The following CAPRIN2 variants were observed in gnomAD, a reference collection of about 807,000 sequenced individuals.
The protein encoded by CAPRIN2 is caprin family member 2, also known as caprin-2.
A neutral mutation model predicts 130.4 loss-of-function variants in CAPRIN2; 66 were observed. The observed-to-expected ratio is 0.51, with a 90% CI of 0.42 to 0.62. CAPRIN2 has a LOEUF of 0.62. CAPRIN2 is among the 20% of genes least tolerant of loss of function. CAPRIN2 has a pLI of 0.00. For synonymous variants in CAPRIN2, 471 were observed against 444.1 expected (o/e 1.06, Z -0.76); for missense variants, 1,185 against 1,246.6 (o/e 0.95, Z 0.74).
chr12:30,734,223 T>C (rs2063688794), intron 4 of CAPRIN2, among the ~76,000 whole-genome samples: 1 of 152,192 alleles, frequency 6.6e-6, no homozygotes, highest in Non-Finnish European at 1.5e-5. Flanking sequence ...TACATGGCTA[T>C]ATATAGGCAA....
intron 2 of CAPRIN2, among the ~76,000 whole-genome samples, chr12:30,747,452 CAG>C (rs2071179270): frequency 6.6e-6 from 1 of 151,284 alleles, no homozygotes; most frequent in African/African-American, 2.4e-5. Flanking sequence ...CCGAGGCGGG[CAG>C]ATCACCTGTG....
At chr12:30,728,696 T>C (rs2061672301) in exon 8 of CAPRIN2, 4 of 1,613,758 alleles carry the variant, frequency 2.5e-6, no homozygotes, top group East Asian at 4.5e-5. Context: ...GGTCATTTGG[T>C]ATGAGGCTTG....
chr12:30,747,747 A>T (rs1400634486), intron 2 of CAPRIN2, among the ~76,000 whole-genome samples: 1 of 152,218 alleles, frequency 6.6e-6, no homozygotes, highest in Non-Finnish European at 1.5e-5. Flanking sequence ...TTTGTCTAAT[A>T]GATCCGGGCA....
At chr12:30,721,742 T>C (rs2059462952) in intron 11 of CAPRIN2, among the ~76,000 whole-genome samples, 1 of 152,168 alleles carries the variant, frequency 6.6e-6, no homozygotes, top group South Asian at 2.1e-4. Context: ...TAATGAAGGG[T>C]TACAAAACAG....
rs2053920871 is a variant in CAPRIN2, at chr12:30,710,438, G to C, written c.2698C>G (p.Pro900Ala). The stretch of plus-strand genomic sequence containing the variant: ...TTAAAGGTTTCGTTGTCTCTTTCTG[G>C]GCTGCTCACCTGAGAAGAATCACTC... Residue 900 changes from proline to alanine, a missense_variant, in exon 17 of 17, where the codon CCA becomes GCA. By Grantham distance (27) the Pro-to-Ala change is conservative (BLOSUM62 -1). This residue lies in a region of CAPRIN2 where 1,104 missense variants were observed against 1,104.3 expected (regional missense o/e 1.00). Transcript: ENST00000298892. This position sits in a 1 kb window ranked among gnomAD's most constrained non-coding sequence, Gnocchi z 4.8. 1 of 1,613,902 alleles carries C rather than the reference G, an allele frequency of 6.2e-7. No homozygotes were observed. Among genetic ancestry groups the C allele is most frequent in the African/African-American group, 1.3e-5 (1 of 74,868 alleles).
intron 2 of CAPRIN2, among the ~76,000 whole-genome samples, chr12:30,744,548 T>C (rs1304874289): frequency 6.6e-6 from 1 of 152,148 alleles, no homozygotes; most frequent in Non-Finnish European, 1.5e-5. Flanking sequence ...CTGTTCTTCT[T>C]CCTCCCTCCC....
intron 8 of CAPRIN2, among the ~76,000 whole-genome samples, chr12:30,727,133 C>T (rs955742028): frequency 3.9e-5 from 6 of 152,030 alleles, no homozygotes; most frequent in Non-Finnish European, 8.8e-5. Flanking sequence ...ATTGCTACAC[C>T]TACTGGAATT....
exon 4 of CAPRIN2, chr12:30,735,162 T>C: frequency 6.2e-7 from 1 of 1,614,190 alleles, no homozygotes; most frequent in East Asian, 2.2e-5. Context: ...CCTCAAGTTT[T>C]AGCATGTGCT....
chr12:30,734,183 G>A (rs895244459), intron 4 of CAPRIN2, among the ~76,000 whole-genome samples: 22 of 152,180 alleles, frequency 1.4e-4, no homozygotes, highest in African/African-American at 5.3e-4. Flanking sequence ...GATGACGATG[G>A]AGTAGACTAT....
chr12:30,713,801 G>A, exon 15 of CAPRIN2: 1 of 1,599,896 alleles, frequency 6.3e-7, no homozygotes, highest in Non-Finnish European at 8.6e-7. Context: ...GGAATAAGGT[G>A]CTCCAGAATA....
chr12:30,732,566 AC>A (rs1360449783), intron 5 of CAPRIN2, among the ~76,000 whole-genome samples: 1 of 151,944 alleles, frequency 6.6e-6, no homozygotes, highest in Middle Eastern at 3.4e-3. Flanking sequence ...TCCTCTCCTG[AC>A]CCCCTGAAAA....
intron 1 of CAPRIN2, 61 bp from the exon 3 acceptor site, chr12:30,751,194 A>G: frequency 7.6e-7 from 1 of 1,308,966 alleles, no homozygotes; most frequent in African/African-American, 1.4e-5. Flanking sequence ...CAAATAAAGT[A>G]AATGCCAGAT....
intron 8 of CAPRIN2, among the ~76,000 whole-genome samples, chr12:30,727,171 G>A (rs10771761): frequency 0.29 from 43,444 of 151,990 alleles, 6,405 homozygotes; most frequent in Non-Finnish European, 0.33. Context: ...AAGCAGCTTT[G>A]AGATATTAAA....
At chr12:30,754,076 CAACATTCTTTTATAGCTCT>C (rs143398960) in exon 1 of CAPRIN2, 11,254 of 241,166 alleles carry the variant, frequency 0.047, 372 homozygotes, top group African/African-American at 0.11. Flanking sequence ...TCCAAACTCA[CAACATTCTTTTATAGCTCT>C]AAGTGAACCA....
intron 15 of CAPRIN2, 116 bp from the exon 18 acceptor site, chr12:30,711,745 T>G: frequency 1.2e-6 from 1 of 810,652 alleles, no homozygotes; most frequent in Non-Finnish European, 2.1e-6. Flanking sequence ...TTACCTGGCC[T>G]TCCCCAGCAA....
chr12:30,725,877 G>C, intron 9 of CAPRIN2, 89 bp downstream of exon 10: 2 of 1,182,540 alleles, frequency 1.7e-6, no homozygotes, highest in Non-Finnish European at 2.2e-6. Context: ...GGACTTGACA[G>C]AATAATCTAT....
exon 17 of CAPRIN2, chr12:30,709,554 G>A: frequency 5.3e-6 from 1 of 188,960 alleles, no homozygotes. Flanking sequence ...CACTGAAGGT[G>A]CATGTAACTT....
rs1302529564 is a variant in CAPRIN2, at chr12:30,753,818, C to CA, written c.-56dup. The CA allele has an allele frequency of 4.0e-6, 6 of 1,488,966 alleles. No homozygotes were observed. The African/African-American group carries it at 8.4e-5, about 21-fold the overall frequency. 92.2% of individuals were successfully genotyped at this position (1,488,966 alleles called of 1,614,324 possible). A position where few individuals can be genotyped will look rare whatever the true frequency, so the allele number is the denominator to read the frequency against. On this transcript the variant is annotated 5_prime_UTR_variant, in exon 1 of 17. Transcript: ENST00000298892. ...CCAATAAGGATAGCCTTTACATAGG[C>CA]AAAATCTCCCAATACGGAGGATGTT...
intron 1 of CAPRIN2, among the ~76,000 whole-genome samples, chr12:30,752,572 T>TAAAA (rs201247925): frequency 3.1e-5 from 4 of 129,314 alleles, no homozygotes; most frequent in African/African-American, 8.8e-5. Flanking sequence ...TTTCTTAGGT[T>TAAAA]AAAAAAAAAA....
Sources: gnomAD v4.1 joint callset for allele counts (sites outside exome capture counted in the v4.1 genomes callset) on GRCh38, gnomAD v4.1.1 for gene constraint, gnomAD v4.1.1 regional missense constraint, Gnocchi (gnomAD v3.1) non-coding constraint, MANE v1.5 for transcripts, NCBI Gene and HGNC (gene_info 2026-07-23, HGNC 2026-07-21) for gene names.